The following STK24 variants were observed in gnomAD, a reference collection of about 807,000 sequenced individuals.
STK24 encodes the protein serine/threonine-protein kinase 24.
A neutral mutation model predicts 55.6 loss-of-function variants in STK24; 21 were observed. The ratio of observed to expected loss-of-function variants is 0.38; its 90% confidence interval spans 0.27 to 0.54. STK24 has a LOEUF of 0.54. Ranked by LOEUF, STK24 falls within the 20% of genes least tolerant of loss-of-function variation. STK24 has a pLI of 0.79. For missense variants in STK24, 383 were observed against 538.4 expected (o/e 0.71, Z 2.86); for synonymous variants, 200 against 215.2 (o/e 0.93, Z 0.62).
intron 1 of STK24, among the ~76,000 whole-genome samples, chr13:98,555,266 C>G (rs77397813): frequency 0.017 from 2,527 of 152,190 alleles, 33 homozygotes; most frequent in Non-Finnish European, 0.026. Flanking sequence ...ACACACAACC[C>G]TATTGTTGGA....
At chr13:98,504,029 G>A (rs1191726234) in intron 2 of STK24, among the ~76,000 whole-genome samples, 5 of 152,196 alleles carry the variant, frequency 3.3e-5, no homozygotes, top group African/African-American at 1.2e-4. Flanking sequence ...CTATGGAGAA[G>A]ACAGAAAGAT....
chr13:98,572,555 C>T (rs528785079), intron 1 of STK24, among the ~76,000 whole-genome samples: 15 of 152,254 alleles, frequency 9.9e-5, no homozygotes, highest in Admixed American at 7.2e-4. Flanking sequence ...ACAGGCTTCC[C>T]TAGGGTGGAG....
At position 98,446,819 on chromosome 13, in the gene STK24, TAG is replaced by T; in HGVS notation, c.*6352_*6353del. The T allele has an allele frequency of 6.2e-7, 1 of 1,613,842 alleles. No homozygotes were observed. Among genetic ancestry groups the T allele is most frequent in the Non-Finnish European group, 8.5e-7 (1 of 1,179,942 alleles). Reference sequence around the variant, plus strand: ...GGAAAGCGAGTACACGTTCGAAAGGTAGACACCCCCTTCCCACGCACAGGGCC... The same window carrying T: ...GGAAAGCGAGTACACGTTCGAAAGGTACACCCCCTTCCCACGCACAGGGCC... On this transcript the variant is annotated 3_prime_UTR_variant, in exon 11 of 11. Transcript: ENST00000539966.
At chr13:98,536,843 C>T (rs1359716597) in intron 1 of STK24, among the ~76,000 whole-genome samples, 2 of 151,672 alleles carry the variant, frequency 1.3e-5, no homozygotes, top group African/African-American at 2.4e-5. Flanking sequence ...GCCTGTCCTC[C>T]AGCTGTCCGG....
chr13:98,458,968 G>C (rs1207681101), intron 9 of STK24, among the ~76,000 whole-genome samples: 2 of 152,206 alleles, frequency 1.3e-5, no homozygotes, highest in Non-Finnish European at 2.9e-5. Flanking sequence ...AGATGCCTGT[G>C]AGTTTAGCAA....
At chr13:98,502,880 C>A (rs992829750) in intron 2 of STK24, among the ~76,000 whole-genome samples, 1 of 152,128 alleles carries the variant, frequency 6.6e-6, no homozygotes, top group African/African-American at 2.4e-5. Context: ...ATCCTAATTT[C>A]TTTGGATATG....
At chr13:98,565,471 A>G (rs1897539836) in intron 1 of STK24, among the ~76,000 whole-genome samples, 1 of 152,030 alleles carries the variant, frequency 6.6e-6, no homozygotes, top group Non-Finnish European at 1.5e-5. Flanking sequence ...GTCTCTACTA[A>G]AAATACAAAA....
chr13:98,562,513 A>T lies in STK24; in HGVS notation c.42+14232T>A, dbSNP rs571985846. On this transcript the variant is annotated intron_variant, in intron 1 of 10. Transcript: ENST00000539966. The stretch of plus-strand genomic sequence containing the variant: ...ACATAAAATGACAAACTCAAGAAGA[A>T]TTATTTTCGGGGAATTTCAAAAACA... Among the ~76,000 whole-genome samples the T allele has an allele frequency of 9.3e-4, 141 of 152,360 alleles. 1 individual carries two copies. The highest frequency in any genetic ancestry group is 3.3e-3 in the African/African-American group (137 of 41,590).
intron 1 of STK24, among the ~76,000 whole-genome samples, chr13:98,530,232 C>T (rs902010299): frequency 6.6e-6 from 1 of 152,140 alleles, no homozygotes; most frequent in African/African-American, 2.4e-5. Flanking sequence ...GAACTCCTAA[C>T]AATTTCTGAG....
At chr13:98,522,499 C>T (rs1003336344) in intron 1 of STK24, among the ~76,000 whole-genome samples, 3 of 152,240 alleles carry the variant, frequency 2.0e-5, no homozygotes, top group Non-Finnish European at 2.9e-5. Flanking sequence ...TAAAGACTCA[C>T]GTACATGACA....
intron 2 of STK24, among the ~76,000 whole-genome samples, chr13:98,500,028 G>C (rs752273216): frequency 6.6e-6 from 1 of 152,166 alleles, no homozygotes; most frequent in African/African-American, 2.4e-5. Flanking sequence ...GTGTTACTTT[G>C]TGTTTCCTAA....
intron 1 of STK24, among the ~76,000 whole-genome samples, chr13:98,527,852 G>C (rs1896476192): frequency 6.6e-6 from 1 of 152,226 alleles, no homozygotes; most frequent in African/African-American, 2.4e-5. Flanking sequence ...GGGAGGGACA[G>C]TCATCACCTG....
At chr13:98,544,292 C>T (rs541290600) in intron 1 of STK24, among the ~76,000 whole-genome samples, 1 of 152,202 alleles carries the variant, frequency 6.6e-6, no homozygotes, top group Non-Finnish European at 1.5e-5. Flanking sequence ...GTGGCAGGTA[C>T]GTTCCCGTGG....
Position 98,457,119 on chromosome 13 carries a change from C to T in STK24, c.1259+49G>A, listed in dbSNP as rs200003886. 4 of 1,589,216 alleles carry T rather than the reference C, an allele frequency of 2.5e-6. No homozygotes were observed. In the Admixed American group the frequency reaches 7.0e-5, roughly 28 times the overall value. On this transcript the variant is annotated intron_variant, in intron 10 of 10. Coordinates refer to ENST00000539966, the MANE Select transcript of STK24 (RefSeq NM_001032296.4). ...CAAACTCATCAACTAAGTCCCAGCCCAAGTGCAGGTCTCTCCTTCCCCAGC... is the reference window on the plus strand; with the variant it reads ...CAAACTCATCAACTAAGTCCCAGCCTAAGTGCAGGTCTCTCCTTCCCCAGC...
chr13:98,461,054 A>AAG (rs71292876), intron 8 of STK24, among the ~76,000 whole-genome samples: 29,252 of 143,452 alleles, frequency 0.2, 3,569 homozygotes, highest in Non-Finnish European at 0.28. Flanking sequence ...AAAAAAAAAA[A>AAG]AGAGAGAGAG....
At chr13:98,524,602 G>A (rs1238322942) in intron 1 of STK24, among the ~76,000 whole-genome samples, 1 of 152,210 alleles carries the variant, frequency 6.6e-6, no homozygotes, top group Non-Finnish European at 1.5e-5. Context: ...TTCACCCCAA[G>A]GAATGGTGAG....
intron 10 of STK24, chr13:98,455,962 T>C (rs760548409): frequency 6.6e-6 from 1 of 152,392 alleles, no homozygotes; most frequent in Non-Finnish European, 1.5e-5. Flanking sequence ...ATCAAAAAGT[T>C]TGTGTTCAGG....
chr13:98,538,129 G>C (rs1331919102), intron 1 of STK24, among the ~76,000 whole-genome samples: 1 of 150,948 alleles, frequency 6.6e-6, no homozygotes, highest in Non-Finnish European at 1.5e-5. Context: ...ATCACTTCCA[G>C]AACTTCCTTC....
chr13:98,466,238 ATACT>A (rs1893920336), intron 6 of STK24, 134 bp downstream of exon 6: 7 of 768,618 alleles, frequency 9.1e-6, no homozygotes, highest in Middle Eastern at 4.1e-4. Flanking sequence ...GAAGTCAATC[ATACT>A]TACTTAGAAA....
Sources: allele counts gnomAD v4.1 joint callset (sites outside exome capture counted in the v4.1 genomes callset), GRCh38; gene constraint gnomAD v4.1.1; transcripts MANE v1.5; gene names NCBI Gene and HGNC (gene_info 2026-07-23, HGNC 2026-07-21).